The following SLC39A11 variants were observed in gnomAD, a reference collection of about 807,000 sequenced individuals.
SLC39A11 encodes the protein solute carrier family 39 member 11.
SLC39A11 carries 33 observed loss-of-function variants against 36.1 expected under a neutral mutation model. The observed-to-expected ratio is 0.91, with a 90% CI of 0.69 to 1.22. The LOEUF (loss-of-function observed/expected upper bound fraction) is 1.22, where lower values mean the gene tolerates loss of function less well. SLC39A11 is among the 50% of genes most tolerant of loss of function. The pLI is 0.00. For synonymous variants in SLC39A11, 166 were observed against 170.3 expected (o/e 0.97, Z 0.20); for missense variants, 432 against 430.3 (o/e 1.00, Z -0.03).
At position 72,931,177 on chromosome 17, in the gene SLC39A11, C is replaced by T. The variant is rs546871655; in HGVS notation, c.430+16575G>A. Among the ~76,000 whole-genome samples the T allele has an allele frequency of 3.3e-5, 5 of 152,154 alleles. No individual in the cohort carries two copies. The South Asian group carries it at 8.3e-4, about 25-fold the overall frequency. ...GAGTACAGGCCCAAAAAGAGAGGTA[C>T]AGAGAGAGCTGCAAAGGAGTGAGTG... On this transcript the variant is annotated intron_variant, in intron 5 of 9. Coordinates refer to ENST00000255559, the MANE Select transcript of SLC39A11 (RefSeq NM_139177.4).
intron 6 of SLC39A11, among the ~76,000 whole-genome samples, chr17:72,847,284 T>G (rs932992790): frequency 1.3e-5 from 2 of 151,958 alleles, no homozygotes; most frequent in African/African-American, 4.8e-5. Flanking sequence ...ACATCTTTAA[T>G]CCCAGCTACT....
At chr17:72,948,225 GTCA>G (rs2085565831) in intron 4 of SLC39A11, among the ~76,000 whole-genome samples, 1 of 146,234 alleles carries the variant, frequency 6.8e-6, no homozygotes, top group African/African-American at 2.6e-5. Flanking sequence ...CACTGCAAGC[GTCA>G]TCGCCTCACA....
intron 5 of SLC39A11, among the ~76,000 whole-genome samples, chr17:72,895,511 G>A (rs556926827): frequency 7.9e-5 from 12 of 151,906 alleles, no homozygotes; most frequent in East Asian, 5.8e-4. Flanking sequence ...CCCAGGAAGC[G>A]GAGGTTGCAG....
intron 5 of SLC39A11, among the ~76,000 whole-genome samples, chr17:72,879,348 C>T (rs992073724): frequency 3.9e-5 from 6 of 152,186 alleles, no homozygotes; most frequent in African/African-American, 9.7e-5. Context: ...CCAGCCATCT[C>T]GCTTCCATAC....
At chr17:72,838,430 A>G (rs1259913542) in intron 6 of SLC39A11, among the ~76,000 whole-genome samples, 1 of 151,884 alleles carries the variant, frequency 6.6e-6, no homozygotes, top group East Asian at 1.9e-4. Context: ...GGGTCTCGTC[A>G]TGTTGCCCAG....
intron 7 of SLC39A11, among the ~76,000 whole-genome samples, chr17:72,670,264 A>G (rs1327667610): frequency 1.3e-5 from 2 of 150,488 alleles, no homozygotes; most frequent in African/African-American, 4.9e-5. Context: ...CCAGTTACTC[A>G]TGAGGCGGAG....
intron 6 of SLC39A11, among the ~76,000 whole-genome samples, chr17:72,848,089 G>C (rs559472257): frequency 5.3e-5 from 8 of 152,308 alleles, no homozygotes; most frequent in African/African-American, 1.9e-4. Context: ...CAATGCGCTC[G>C]TAAGTCCCAA....
chr17:72,841,860 G>A (rs1047385305), intron 6 of SLC39A11, among the ~76,000 whole-genome samples: 9 of 151,426 alleles, frequency 5.9e-5, no homozygotes, highest in African/African-American at 9.7e-5. Context: ...CCAGGAGTTC[G>A]AGACTAGCCT....
Position 72,869,808 on chromosome 17 carries a change from G to A in SLC39A11, c.431-20004C>T, listed in dbSNP as rs72847950. Among the ~76,000 whole-genome samples the A allele has an allele frequency of 7.2e-3, 1,092 of 152,268 alleles. 11 individuals are homozygous for A. The highest frequency in any genetic ancestry group is 0.012 in the Non-Finnish European group (789 of 68,032). ...GAAAGCACGAAAGTAACACATGTTC[G>A]TGTTTAAAATGCAAATAGAACAGAA... On this transcript the variant is annotated intron_variant, in intron 5 of 9. Transcript: ENST00000255559.
intron 5 of SLC39A11, 83 bp downstream of exon 5, chr17:72,947,669 T>C: frequency 6.3e-7 from 1 of 1,598,568 alleles, no homozygotes; most frequent in East Asian, 2.2e-5. Context: ...CTATTCATCC[T>C]ACCACCAGCC....
intron 6 of SLC39A11, among the ~76,000 whole-genome samples, chr17:72,743,197 G>A (rs2074785004): frequency 6.6e-6 from 1 of 152,158 alleles, no homozygotes; most frequent in Admixed American, 6.5e-5. Flanking sequence ...CCCAGCTGGG[G>A]GGGCTAGAGC....
At chr17:72,895,169 C>G (rs77751553) in intron 5 of SLC39A11, among the ~76,000 whole-genome samples, 1 of 152,036 alleles carries the variant, frequency 6.6e-6, no homozygotes, top group East Asian at 1.9e-4. Flanking sequence ...GAACAGGCAG[C>G]GGGCAGGGAA....
chr17:72,665,616 G>A (rs957158879), intron 7 of SLC39A11, among the ~76,000 whole-genome samples: 2 of 151,582 alleles, frequency 1.3e-5, no homozygotes, highest in Non-Finnish European at 2.9e-5. Context: ...TTGAATTCCT[G>A]GGCCCAAGTG....
At chr17:72,910,623 C>CAAAA (rs759842114) in intron 5 of SLC39A11, among the ~76,000 whole-genome samples, 8,239 of 49,434 alleles carry the variant, frequency 0.17, 1,134 homozygotes, top group African/African-American at 0.23. Flanking sequence ...GACTCCGTCT[C>CAAAA]AAAAAAAAAA....
Position 72,646,259 on chromosome 17 carries a change from A to G in SLC39A11, c.*1325T>C, listed in dbSNP as rs2069556290. 1 of 152,626 alleles carries G rather than the reference A, an allele frequency of 6.6e-6. No homozygotes were observed. The highest frequency in any genetic ancestry group is 1.5e-5 in the Non-Finnish European group (1 of 68,044). The allele number at this position is 152,626 out of a possible 1,614,324, so 9.5% of individuals were successfully genotyped here. On this transcript the variant is annotated 3_prime_UTR_variant, in exon 10 of 10. Transcript: ENST00000255559. ...TAAACTCTGAGAGCAGACACTGACA[A>G]TGCAATGCCTGCATACCTGACTCCT...
intron 7 of SLC39A11, among the ~76,000 whole-genome samples, chr17:72,713,674 A>G (rs186570271): frequency 6.6e-6 from 1 of 152,238 alleles, no homozygotes; most frequent in East Asian, 1.9e-4. Context: ...CCTATATCTA[A>G]TTGGACCCCA....
intron 6 of SLC39A11, among the ~76,000 whole-genome samples, chr17:72,787,628 A>G (rs2076566706): frequency 6.6e-6 from 1 of 152,110 alleles, no homozygotes; most frequent in South Asian, 2.1e-4. Flanking sequence ...TCTCTCTTCA[A>G]CTTTTTCTTT....
At chr17:72,754,037 TATATATATACACATACACAC>T (rs1350455679) in intron 6 of SLC39A11, among the ~76,000 whole-genome samples, 2,693 of 119,560 alleles carry the variant, frequency 0.023, 83 homozygotes, top group African/African-American at 0.07. Context: ...TATATATATA[TATATATATACACATACACAC>T]ACACACACAC....
chr17:73,036,529 C>T (rs12603779), intron 3 of SLC39A11, among the ~76,000 whole-genome samples: 87,428 of 151,978 alleles, frequency 0.58, 27,354 homozygotes, highest in East Asian at 0.76. Flanking sequence ...TCACTGCAAC[C>T]GCTGCCTCCC....
Sources: gnomAD v4.1 joint callset for allele counts (sites outside exome capture counted in the v4.1 genomes callset) on GRCh38, gnomAD v4.1.1 for gene constraint, MANE v1.5 for transcripts, NCBI Gene and HGNC (gene_info 2026-07-23, HGNC 2026-07-21) for gene names.